The following NIPBL variants were observed in gnomAD, a reference collection of about 807,000 sequenced individuals.
NIPBL encodes NIPBL cohesin loading factor.
In NIPBL, 19 loss-of-function variants were observed where a neutral mutation model predicts 321.8. That is an observed-to-expected ratio of 0.06 (90% CI 0.04 to 0.09). The LOEUF (loss-of-function observed/expected upper bound fraction) is 0.09, where lower values mean the gene tolerates loss of function less well. NIPBL is among the 10% of genes least tolerant of loss of function. The pLI is 1.00. For missense variants in NIPBL, 2,210 were observed against 3,327.0 expected (o/e 0.66, Z 8.26); for synonymous variants, 1,106 against 1,114.1 (o/e 0.99, Z 0.14).
At chr5:37,029,551 A>T (rs1310833025) in intron 32 of NIPBL, among the ~76,000 whole-genome samples, 1 of 152,078 alleles carries the variant, frequency 6.6e-6, no homozygotes, top group African/African-American at 2.4e-5. Flanking sequence ...TTTTGTGTAG[A>T]TGTATGTTTT....
chr5:37,049,115 G>A lies in NIPBL; in HGVS notation c.6768G>A (p.Lys2256=), dbSNP rs1218863211. 1.5e-5 allele frequency: 25 copies of A among 1,614,076 alleles called. No individual in the cohort carries two copies. The highest frequency in any genetic ancestry group is 2.1e-5 in the Non-Finnish European group (25 of 1,179,952). Reference sequence around the variant, plus strand: ...ATCCTTTGCTTGCTTTTGTAGGGAAGAAAGTTGCAAAACAGGAAGACTTAA... The same window carrying A: ...ATCCTTTGCTTGCTTTTGTAGGGAAAAAAGTTGCAAAACAGGAAGACTTAA... ...TRMQQADRDW[K]KVAKQEDLKE... The change falls in exon 40 of 47, where the codon AAG becomes AAA. Residue 2256 remains lysine, a synonymous_variant. Transcript: ENST00000282516.
chr5:36,941,495 C>A (rs1416279530), intron 1 of NIPBL, among the ~76,000 whole-genome samples: 1 of 148,336 alleles, frequency 6.7e-6, no homozygotes, highest in Non-Finnish European at 1.5e-5. Context: ...TATCCTAAGA[C>A]GTTCAAAACC....
At chr5:36,929,745 A>ATT (rs1384559517) in intron 1 of NIPBL, among the ~76,000 whole-genome samples, 1 of 152,010 alleles carries the variant, frequency 6.6e-6, no homozygotes, top group Non-Finnish European at 1.5e-5. Context: ...ATTTGAATTA[A>ATT]TTTTTGTGTA....
chr5:36,985,172 C>T lies in NIPBL; in HGVS notation c.1992C>T (p.Asn664=), dbSNP rs116049172. ...GCAGAACAACTGAATGCAAACAAAA[C>T]GAGAGCACCATAGTTGAGCCTAAAC... ...NESRTTECKQ[N]ESTIVEPKQN... is the part of the protein sequence containing the mutation. The change falls in exon 10 of 47, where the codon AAC becomes AAT. Residue 664 remains asparagine, a synonymous_variant. Coordinates refer to ENST00000282516, the MANE Select transcript of NIPBL (RefSeq NM_133433.4). The T allele has an allele frequency of 3.6e-4, 583 of 1,613,806 alleles. 1 individual carries two copies. The highest frequency in any genetic ancestry group is 4.6e-4 in the Non-Finnish European group (545 of 1,179,912).
chr5:36,951,773 C>G (rs964011209), intron 1 of NIPBL, among the ~76,000 whole-genome samples: 4 of 151,974 alleles, frequency 2.6e-5, no homozygotes, highest in African/African-American at 9.7e-5. Flanking sequence ...TATATTATTT[C>G]CTGTGCCTTT....
chr5:36,917,640 G>T (rs924854368), intron 1 of NIPBL, among the ~76,000 whole-genome samples: 5 of 151,978 alleles, frequency 3.3e-5, no homozygotes, highest in African/African-American at 1.2e-4. Context: ...TTTCTTCTAG[G>T]GTTTTTATGG....
intron 1 of NIPBL, among the ~76,000 whole-genome samples, chr5:36,922,236 A>G (rs947652166): frequency 1.3e-5 from 2 of 151,708 alleles, no homozygotes; most frequent in Non-Finnish European, 1.5e-5. Context: ...ATCACTGCCC[A>G]TTTTCCACCT....
chr5:36,942,756 C>A (rs1380379749), intron 1 of NIPBL, among the ~76,000 whole-genome samples: 1 of 150,552 alleles, frequency 6.6e-6, no homozygotes, highest in African/African-American at 2.4e-5. Context: ...AAAAAATTAT[C>A]CTCCCTAAAA....
At chr5:36,942,175 A>G (rs1580288157) in intron 1 of NIPBL, among the ~76,000 whole-genome samples, 1 of 151,090 alleles carries the variant, frequency 6.6e-6, no homozygotes, top group Admixed American at 6.6e-5. Context: ...GCTCATGCCT[A>G]TAATCCCAGC....
intron 1 of NIPBL, among the ~76,000 whole-genome samples, chr5:36,894,848 CTTAT>C (rs1746613823): frequency 6.6e-6 from 1 of 151,898 alleles, no homozygotes; most frequent in Non-Finnish European, 1.5e-5. Context: ...TTATTTTTAC[CTTAT>C]TTGTCTTCTC....
At chr5:36,950,184 A>G (rs1580308896) in intron 1 of NIPBL, among the ~76,000 whole-genome samples, 2 of 152,046 alleles carry the variant, frequency 1.3e-5, no homozygotes, top group Admixed American at 6.6e-5. Context: ...GGTGAAATAT[A>G]TACTGGAATG....
At chr5:37,029,425 T>C (rs1750700225) in intron 32 of NIPBL, among the ~76,000 whole-genome samples, 1 of 152,220 alleles carries the variant, frequency 6.6e-6, no homozygotes, top group African/African-American at 2.4e-5. Flanking sequence ...TACTGAGTAG[T>C]TTCAGTAGTG....
intron 9 of NIPBL, among the ~76,000 whole-genome samples, chr5:36,980,779 TGA>T (rs914653866): frequency 2.0e-5 from 3 of 151,678 alleles, no homozygotes; most frequent in Admixed American, 6.6e-5. Context: ...ATGAAATACA[TGA>T]CCGCATTTGA....
chr5:37,063,954 G>A lies in NIPBL; in HGVS notation c.8025G>A (p.Glu2675=), dbSNP rs757955910. The change falls in exon 46 of 47, where the codon GAG becomes GAA. Residue 2675 remains glutamate, a synonymous_variant. Transcript: ENST00000282516. Reference sequence around the variant, plus strand: ...CAGAAGATGATGAAAGTGATGGGGAGGATAGAGGAGGAGGCACTTCAGGGG... The same window carrying A: ...CAGAAGATGATGAAAGTGATGGGGAAGATAGAGGAGGAGGCACTTCAGGGG... ...AETEDDESDG[E]DRGGGTSGSL... is the part of the protein sequence containing the mutation. 15 of 1,614,052 alleles carry A rather than the reference G, an allele frequency of 9.3e-6. No individual in the cohort carries two copies. The highest frequency in any genetic ancestry group is 8.9e-5 in the East Asian group (4 of 44,878).
At chr5:36,956,308 T>G (rs1475482371) in intron 3 of NIPBL, among the ~76,000 whole-genome samples, 2 of 152,086 alleles carry the variant, frequency 1.3e-5, no homozygotes, top group Non-Finnish European at 1.5e-5. Flanking sequence ...AAAAGTAAAA[T>G]CTCTCATTCT....
intron 1 of NIPBL, among the ~76,000 whole-genome samples, chr5:36,908,314 T>C (rs531560143): frequency 6.6e-6 from 1 of 152,330 alleles, no homozygotes; most frequent in African/African-American, 2.4e-5. Flanking sequence ...AAGTTAACTT[T>C]ACATATGATA....
At chr5:37,017,789 C>A (rs897716947) in intron 24 of NIPBL, among the ~76,000 whole-genome samples, 2 of 151,138 alleles carry the variant, frequency 1.3e-5, no homozygotes, top group African/African-American at 4.9e-5. Context: ...AGCTATAGTT[C>A]GTGTTTTGAA....
intron 2 of NIPBL, 88 bp downstream of exon 2, chr5:36,953,848 C>CTGTAAATGTGT: frequency 8.7e-7 from 1 of 1,147,050 alleles, no homozygotes; most frequent in Non-Finnish European, 1.3e-6. Flanking sequence ...ATTATAGGTT[C>CTGTAAATGTGT]TTTAAAACAC....
In NIPBL at chr5:36,913,403, T is replaced by TA. The variant is rs1298975255; in HGVS notation, c.-80+36230dup. 2.4e-3 allele frequency among the ~76,000 whole-genome samples: 357 copies of TA among 148,146 alleles called. 1 individual carries two copies. Among genetic ancestry groups the TA allele is most frequent in the African/African-American group, 8.4e-3 (331 of 39,316 alleles). ...TTTCCTTCTTTTTTTTTTTTTTTTTTAAAAAGACAGACTGTCTTGCTCCGT... is the reference window on the plus strand; with the variant it reads ...TTTCCTTCTTTTTTTTTTTTTTTTTTAAAAAAGACAGACTGTCTTGCTCCGT... On this transcript the variant is annotated intron_variant, in intron 1 of 46. Coordinates refer to ENST00000282516, the MANE Select transcript of NIPBL (RefSeq NM_133433.4).
Sources: gnomAD v4.1 joint callset for allele counts (sites outside exome capture counted in the v4.1 genomes callset) on GRCh38, gnomAD v4.1.1 for gene constraint, MANE v1.5 for transcripts, NCBI Gene and HGNC (gene_info 2026-07-23, HGNC 2026-07-21) for gene names.